The following RBFOX1 variants were observed in gnomAD, a reference collection of about 807,000 sequenced individuals.
RBFOX1 encodes RNA binding protein fox-1 homolog 1.
RBFOX1 carries 8 observed loss-of-function variants against 57.7 expected under a neutral mutation model. That is an observed-to-expected ratio of 0.14 (90% CI 0.08 to 0.25). The LOEUF (loss-of-function observed/expected upper bound fraction) is 0.25. RBFOX1 is among the 10% of genes least tolerant of loss of function. RBFOX1 has a pLI of 1.00. For missense variants in RBFOX1, 611 were observed against 548.5 expected (o/e 1.11, Z -1.14); for synonymous variants, 326 against 222.4 (o/e 1.47, Z -4.15).
chr16:6,762,651 A>G (rs1004115852), intron 3 of RBFOX1, among the ~76,000 whole-genome samples: 1 of 152,176 alleles, frequency 6.6e-6, no homozygotes, highest in Admixed American at 6.5e-5. Context: ...CTGGTAGAAG[A>G]ACTCCATTAA....
intron 3 of RBFOX1, among the ~76,000 whole-genome samples, chr16:6,960,533 C>A (rs769691756): frequency 4.6e-5 from 7 of 152,102 alleles, no homozygotes; most frequent in Non-Finnish European, 1.0e-4. Context: ...AACAACTCTT[C>A]AGGAGTCACC....
At chr16:6,750,741 T>A (rs529785183) in intron 3 of RBFOX1, among the ~76,000 whole-genome samples, 30 of 152,328 alleles carry the variant, frequency 2.0e-4, no homozygotes, top group African/African-American at 7.0e-4. Context: ...GATAGGGCAG[T>A]GTATGAGACA....
chr16:7,366,230 C>T (rs17143496), intron 4 of RBFOX1, among the ~76,000 whole-genome samples: 16,917 of 152,234 alleles, frequency 0.11, 1,290 homozygotes, highest in African/African-American at 0.22. Context: ...ATTGCATGTT[C>T]TCTTATTGCC....
chr16:5,914,465 G>T (rs1444967403), intron 4 of RBFOX1, among the ~76,000 whole-genome samples: 1 of 152,096 alleles, frequency 6.6e-6, no homozygotes, highest in Non-Finnish European at 1.5e-5. Flanking sequence ...ACCTTTGGCA[G>T]ATCCTGGATC....
At chr16:6,796,511 C>T (rs543626320) in intron 3 of RBFOX1, among the ~76,000 whole-genome samples, 46 of 152,288 alleles carry the variant, frequency 3.0e-4, no homozygotes, top group African/African-American at 1.1e-3. Context: ...CTCTTTCATC[C>T]ACTGTAAATA....
intron 1 of RBFOX1, among the ~76,000 whole-genome samples, chr16:5,305,370 G>C (rs2063907741): frequency 6.6e-6 from 1 of 152,106 alleles, no homozygotes; most frequent in South Asian, 2.1e-4. Context: ...CCTGCTTTCT[G>C]TCTTCTGCTG....
chr16:6,556,097 A>C (rs563002556), intron 2 of RBFOX1, among the ~76,000 whole-genome samples: 1 of 152,142 alleles, frequency 6.6e-6, no homozygotes, highest in African/African-American at 2.4e-5. Context: ...TAAATCTTCT[A>C]TTCCTCCAGA....
At chr16:6,521,712 G>C (rs2153803182) in intron 2 of RBFOX1, among the ~76,000 whole-genome samples, 1 of 151,372 alleles carries the variant, frequency 6.6e-6, no homozygotes, top group Non-Finnish European at 1.5e-5. Context: ...ACAACAACAA[G>C]AAAAAAAAAT....
chr16:7,371,439 C>A (rs574273370), intron 4 of RBFOX1, among the ~76,000 whole-genome samples: 1 of 152,264 alleles, frequency 6.6e-6, no homozygotes, highest in South Asian at 2.1e-4. Context: ...AAGAAAAAAG[C>A]ACCATTGTGT....
At chr16:7,636,782 T>C (rs1033673954) in intron 11 of RBFOX1, among the ~76,000 whole-genome samples, 4 of 152,176 alleles carry the variant, frequency 2.6e-5, no homozygotes, top group Non-Finnish European at 4.4e-5. Context: ...GGCTTTCTTC[T>C]TGGCTTACAG....
intron 4 of RBFOX1, among the ~76,000 whole-genome samples, chr16:7,096,622 G>A (rs2061738091): frequency 6.6e-6 from 1 of 152,012 alleles, no homozygotes; most frequent in Non-Finnish European, 1.5e-5. Context: ...ATCTAGGAGT[G>A]GACTTAGCCC....
chr16:6,427,792 G>C (rs1014785062), intron 2 of RBFOX1, among the ~76,000 whole-genome samples: 1 of 152,170 alleles, frequency 6.6e-6, no homozygotes, highest in Non-Finnish European at 1.5e-5. Context: ...AAGAGATAGT[G>C]ATTTCAGAGT....
intron 4 of RBFOX1, among the ~76,000 whole-genome samples, chr16:5,953,684 G>A (rs548097295): frequency 1.3e-4 from 19 of 147,948 alleles, no homozygotes; most frequent in Non-Finnish European, 2.2e-4. Context: ...TTCATTTTTA[G>A]GGCTAAGTAG....
intron 3 of RBFOX1, chr16:5,632,459 T>C (rs1038551687): frequency 3.9e-5 from 6 of 152,236 alleles, no homozygotes; most frequent in Admixed American, 2.6e-4. Flanking sequence ...CATAGCATAG[T>C]GACAGCTCAG....
chr16:6,798,142 A>G (rs1030683940), intron 3 of RBFOX1, among the ~76,000 whole-genome samples: 1 of 152,144 alleles, frequency 6.6e-6, no homozygotes. Context: ...TCTCATTGTG[A>G]TTAGCAGAAC....
At chr16:6,797,953 T>G (rs1280645432) in intron 3 of RBFOX1, among the ~76,000 whole-genome samples, 2 of 152,068 alleles carry the variant, frequency 1.3e-5, no homozygotes, top group Admixed American at 1.3e-4. Flanking sequence ...GAGATGATGA[T>G]GATGGTGATC....
At chr16:7,438,022 A>G (rs1330461726) in intron 4 of RBFOX1, among the ~76,000 whole-genome samples, 1 of 152,178 alleles carries the variant, frequency 6.6e-6, no homozygotes, top group African/African-American at 2.4e-5. Context: ...CCTGCATGTC[A>G]GTGCGACAGT....
chr16:7,677,160 C>G (rs74011978), intron 14 of RBFOX1, among the ~76,000 whole-genome samples: 4,499 of 151,332 alleles, frequency 0.03, 160 homozygotes, highest in East Asian at 0.18. Context: ...CACACACACA[C>G]CGTACAACCT....
At chr16:6,112,410 G>C (rs1395718966) in intron 1 of RBFOX1, among the ~76,000 whole-genome samples, 1 of 152,200 alleles carries the variant, frequency 6.6e-6, no homozygotes, top group Non-Finnish European at 1.5e-5. Context: ...GAAGTCCGAG[G>C]CTGGGCACGG....
Sources: allele counts gnomAD v4.1 joint callset (sites outside exome capture counted in the v4.1 genomes callset), GRCh38; gene constraint gnomAD v4.1.1; transcripts MANE v1.5; gene names NCBI Gene and HGNC (gene_info 2026-07-23, HGNC 2026-07-21).